Variants in PRDM2 observed in about 807,000 individuals in gnomAD.
The protein encoded by PRDM2 is PR domain zinc finger protein 2.
A neutral mutation model predicts 130.0 loss-of-function variants in PRDM2; 30 were observed. The ratio of observed to expected loss-of-function variants is 0.23; its 90% CI spans 0.17 to 0.31. The LOEUF is 0.31. Among genes scored for constraint, PRDM2 ranks in the 10% least tolerant of loss-of-function variants. The probability of loss-of-function intolerance (pLI) is 1.00; values close to 1 mark genes in which losing one functional copy is unlikely to be tolerated. For missense variants in PRDM2, 2,011 were observed against 2,108.4 expected (o/e 0.95, Z 0.90); for synonymous variants, 871 against 782.4 (o/e 1.11, Z -1.89).
At chr1:13,802,073 G>A (rs1401149050) in intron 8 of PRDM2, among the ~76,000 whole-genome samples, 1 of 152,164 alleles carries the variant, frequency 6.6e-6, no homozygotes, top group Non-Finnish European at 1.5e-5. Context: ...AGGACTTTGG[G>A]GATCACGAGC....
chr1:13,753,959 A>G (rs188898462), intron 6 of PRDM2, among the ~76,000 whole-genome samples: 3 of 152,318 alleles, frequency 2.0e-5, no homozygotes, highest in East Asian at 1.9e-4. Flanking sequence ...ATGGAATCAC[A>G]TTCTGGAGAG....
rs112109020 is a variant in PRDM2, at chr1:13,822,481, C to T, written c.*24-678C>T. On this transcript the variant is annotated intron_variant, in intron 9 of 9. Transcript: ENST00000311066. ...CGCGATCTGGGATCACTGCAAGCTCCGCCTCCCAGGTTCACGCCATTCTCC... is the reference window on the plus strand; with the variant it reads ...CGCGATCTGGGATCACTGCAAGCTCTGCCTCCCAGGTTCACGCCATTCTCC... Among the ~76,000 whole-genome samples the T allele has an allele frequency of 9.6e-3, 1,446 of 151,024 alleles. 7 individuals are homozygous for T. The highest frequency in any genetic ancestry group is 0.016 in the African/African-American group (650 of 41,146).
intron 6 of PRDM2, among the ~76,000 whole-genome samples, chr1:13,761,345 T>C (rs1351109723): frequency 1.3e-5 from 2 of 152,244 alleles, no homozygotes; most frequent in Admixed American, 6.5e-5. Context: ...AATTTTTTTT[T>C]ACAGTCTTTC....
In PRDM2 at chr1:13,781,019, C is replaced by T. The variant is rs766364173; in HGVS notation, c.3224C>T (p.Pro1075Leu). 1 of 1,605,838 alleles carries T rather than the reference C, an allele frequency of 6.2e-7. No individual in the cohort carries two copies. Among genetic ancestry groups the T allele is most frequent in the Non-Finnish European group, 8.5e-7 (1 of 1,172,732 alleles). The change falls in exon 8 of 10, where the codon CCA becomes CTA. Residue 1075 changes from proline (P) to leucine (L), a missense_variant. Pro to Leu is a moderately conservative substitution (Grantham distance 98). Around this residue, in one of 5 missense-constraint regions of PRDM2, gnomAD observed 1,288 missense variants for 1,237.7 expected, o/e 1.04. Transcript: ENST00000311066. The surrounding 1 kb of genome is among the most constrained non-coding windows in gnomAD (Gnocchi z 6.1). ...TCATCTTCCTCCTCTTCTCCTTCTC[C>T]ACCTCCTCTCTCCGCAATATCATCT... ...SSSSSSSSPS[P>L]PPLSAISSVV...
At position 13,783,281 on chromosome 1, in the gene PRDM2, A is replaced by G. The variant is rs1644661623; in HGVS notation, c.5036+450A>G. On this transcript the variant is annotated intron_variant, in intron 8 of 9. Coordinates refer to ENST00000311066, the MANE Select transcript of PRDM2 (RefSeq NM_001393986.1). Reference sequence around the variant, plus strand: ...TAATATTTCTGTGACTTCAGCATAGATCTAGTACCTGACACTTTCTTTCAG... The same window carrying G: ...TAATATTTCTGTGACTTCAGCATAGGTCTAGTACCTGACACTTTCTTTCAG... The G allele has an allele frequency of 4.7e-5, 19 of 400,592 alleles. 1 individual carries two copies. Among genetic ancestry groups the G allele is most frequent in the South Asian group, 3.4e-4 (19 of 56,036 alleles). 24.8% of individuals were successfully genotyped at this position (400,592 alleles called of 1,614,324 possible).
chr1:13,728,418 T>C (rs1642995782), intron 2 of PRDM2, among the ~76,000 whole-genome samples: 1 of 152,204 alleles, frequency 6.6e-6, no homozygotes, highest in African/African-American at 2.4e-5. Context: ...ATCTACCTTC[T>C]ACTTCTCAAA....
chr1:13,780,512 C>G lies in PRDM2; in HGVS notation c.2717C>G (p.Pro906Arg), dbSNP rs769854455. Residue 906 changes from proline (P) to arginine (R), a missense_variant, in exon 8 of 10, where the codon CCT becomes CGT. Transcript: ENST00000311066. ...YNGIDLPVEN[P>R]ADGTRSPSPC... The stretch of plus-strand genomic sequence containing the variant: ...GGCATCGATTTACCTGTAGAAAACC[C>G]TGCAGATGGGACCAGGAGCCCAAGT... 3 of 1,614,216 alleles carry G rather than the reference C, an allele frequency of 1.9e-6. No individual in the cohort carries two copies. The South Asian group carries it at 3.3e-5, about 18-fold the overall frequency.
At chr1:13,795,415 C>G (rs1644907833) in intron 8 of PRDM2, among the ~76,000 whole-genome samples, 2 of 152,204 alleles carry the variant, frequency 1.3e-5, no homozygotes, top group African/African-American at 4.8e-5. Context: ...AGCCAGGAGT[C>G]AAGTCCAGGC....
chr1:13,750,873 A>C (rs1350877538), intron 6 of PRDM2, among the ~76,000 whole-genome samples: 2 of 152,042 alleles, frequency 1.3e-5, no homozygotes, highest in African/African-American at 2.4e-5. Flanking sequence ...ATGTAATTCA[A>C]CTTGTTTCTT....
intron 6 of PRDM2, among the ~76,000 whole-genome samples, chr1:13,757,375 C>G (rs1331461953): frequency 6.6e-6 from 1 of 152,100 alleles, no homozygotes; most frequent in Non-Finnish European, 1.5e-5. Context: ...AGTTTTGAAA[C>G]CAAAAGAGCA....
In PRDM2 at chr1:13,780,858, A is replaced by C. The variant is rs1451951164; in HGVS notation, c.3063A>C (p.Pro1021=). The change falls in exon 8 of 10, where the codon CCA becomes CCC. Residue 1021 remains proline, a synonymous_variant. Transcript: ENST00000311066. The stretch of plus-strand genomic sequence containing the variant: ...ATGCCACCGCACAGTCCCCACTTCC[A>C]ATTCTGTCCCCAACAGTGTCCCCCT... ...LSNATAQSPL[P]ILSPTVSPSP... 1 of 1,602,096 alleles carries C rather than the reference A, an allele frequency of 6.2e-7. No individual in the cohort carries two copies. Among genetic ancestry groups the C allele is most frequent in the Admixed American group, 1.7e-5 (1 of 58,678 alleles).
At chr1:13,721,461 A>C (rs1557599266) in intron 2 of PRDM2, among the ~76,000 whole-genome samples, 2 of 152,064 alleles carry the variant, frequency 1.3e-5, no homozygotes, top group African/African-American at 2.4e-5. Flanking sequence ...ACTTTAAAAA[A>C]AGACTTCTAA....
chr1:13,712,877 T>C (rs1642414868), intron 1 of PRDM2, among the ~76,000 whole-genome samples: 1 of 152,242 alleles, frequency 6.6e-6, no homozygotes, highest in African/African-American at 2.4e-5. Flanking sequence ...CATTGTCTCT[T>C]GGTTAGACTG....
intron 8 of PRDM2, among the ~76,000 whole-genome samples, chr1:13,784,487 C>CT (rs1392410332): frequency 1.3e-5 from 2 of 152,160 alleles, no homozygotes; most frequent in African/African-American, 4.8e-5. Flanking sequence ...GTACTTGGCC[C>CT]TACTTACACA....
rs1322134206 is a variant in PRDM2, at chr1:13,803,251, A to C, written c.5037-13176A>C. Reference sequence around the variant, plus strand: ...AGGATTTGGTTCTTGAGCAGCATGGACAGGCACATTTCAGGGTTGAACCGC... The same window carrying C: ...AGGATTTGGTTCTTGAGCAGCATGGCCAGGCACATTTCAGGGTTGAACCGC... On this transcript the variant is annotated intron_variant, in intron 8 of 9. Transcript: ENST00000311066. The surrounding 1 kb of genome is among the most constrained non-coding windows in gnomAD (Gnocchi z 6.2). Among the ~76,000 whole-genome samples, 1 of 152,232 alleles carries C rather than the reference A, an allele frequency of 6.6e-6. No individual in the cohort carries two copies. Among genetic ancestry groups the C allele is most frequent in the African/African-American group, 2.4e-5 (1 of 41,458 alleles).
At chr1:13,810,566 C>T (rs909061199) in intron 8 of PRDM2, among the ~76,000 whole-genome samples, 1 of 151,662 alleles carries the variant, frequency 6.6e-6, no homozygotes, top group African/African-American at 2.4e-5. Context: ...ACGATCTCGG[C>T]TCACTGAAAG....
intron 2 of PRDM2, among the ~76,000 whole-genome samples, chr1:13,716,672 C>G (rs1642551203): frequency 6.6e-6 from 1 of 152,120 alleles, no homozygotes; most frequent in Non-Finnish European, 1.5e-5. Context: ...CAAGGGTGTT[C>G]TGATAAGTAG....
chr1:13,720,962 C>T (rs114174751), intron 2 of PRDM2, among the ~76,000 whole-genome samples: 6 of 152,290 alleles, frequency 3.9e-5, no homozygotes, highest in East Asian at 1.9e-4. Context: ...TCACTGCTGT[C>T]GAGTCATAGG....
chr1:13,810,429 C>T (rs1455695729), intron 8 of PRDM2, among the ~76,000 whole-genome samples: 4 of 152,028 alleles, frequency 2.6e-5, no homozygotes, highest in South Asian at 4.1e-4. Flanking sequence ...CGGCCGTATT[C>T]GTTTGAATTG....
Sources: gnomAD v4.1 joint callset for allele counts (sites outside exome capture counted in the v4.1 genomes callset) on GRCh38, gnomAD v4.1.1 for gene constraint, gnomAD v4.1.1 regional missense constraint, Gnocchi (gnomAD v3.1) non-coding constraint, MANE v1.5 for transcripts, NCBI Gene and HGNC (gene_info 2026-07-23, HGNC 2026-07-21) for gene names.